SLBP: variants seen among roughly 807,000 people sequenced by gnomAD.
SLBP encodes histone RNA hairpin-binding protein.
Under a neutral mutation model 39.2 loss-of-function variants are expected in SLBP, and 29 were observed. The observed-to-expected ratio is 0.74, with a 90% CI of 0.55 to 1.01. The LOEUF is 1.01. SLBP is among the 50% of genes least tolerant of loss of function. The pLI is 0.00. For synonymous variants in SLBP, 129 were observed against 118.7 expected (o/e 1.09, Z -0.57); for missense variants, 390 against 350.2 (o/e 1.11, Z -0.91).
In SLBP at chr4:1,693,762, C is replaced by G. The variant is rs372801634; in HGVS notation, c.697-49G>C. 7.1e-6 allele frequency: 9 copies of G among 1,264,454 alleles called. No individual in the cohort carries two copies. The South Asian group carries it at 9.5e-5, about 13-fold the overall frequency. The allele number at this position is 1,264,454 out of a possible 1,614,324, so 78.3% of individuals were successfully genotyped here. ...GTTGACATTCATCTCACCCTGAAAA[C>G]AGGGGCCCCTTCCTACACCCCACTC... On this transcript the variant is annotated intron_variant, in intron 7 of 7. Coordinates refer to ENST00000489418, the MANE Select transcript of SLBP (RefSeq NM_006527.4).
chr4:1,708,149 G>A (rs1465043134), intron 2 of SLBP, among the ~76,000 whole-genome samples: 1 of 151,734 alleles, frequency 6.6e-6, no homozygotes, highest in Non-Finnish European at 1.5e-5. Context: ...GCTACTTGGA[G>A]GCTGAAGCAG....
intron 3 of SLBP, among the ~76,000 whole-genome samples, chr4:1,701,231 C>T (rs1716316526): frequency 6.7e-6 from 1 of 149,234 alleles, no homozygotes; most frequent in Non-Finnish European, 1.5e-5. Context: ...GTGCAACCTC[C>T]GCCTCCCGGG....
At chr4:1,696,124 C>A in intron 6 of SLBP, 78 bp downstream of exon 6, 1 of 1,302,268 alleles carries the variant, frequency 7.7e-7, no homozygotes, top group South Asian at 1.6e-5. Flanking sequence ...ACCAGACCTC[C>A]TGTCCCAGTG....
chr4:1,708,083 A>C (rs1716590557), intron 2 of SLBP, among the ~76,000 whole-genome samples: 1 of 130,754 alleles, frequency 7.6e-6, no homozygotes, highest in Non-Finnish European at 1.6e-5. Flanking sequence ...TATCTCAAAA[A>C]CGAAAAAAAA....
chr4:1,702,721 T>C (rs1301000695), intron 3 of SLBP, among the ~76,000 whole-genome samples: 2 of 152,160 alleles, frequency 1.3e-5, no homozygotes, highest in East Asian at 1.9e-4. Flanking sequence ...GAAGACGAAG[T>C]AGCTTAGTTT....
intron 2 of SLBP, among the ~76,000 whole-genome samples, chr4:1,710,631 G>C (rs1296316486): frequency 6.6e-6 from 1 of 152,220 alleles, no homozygotes; most frequent in Non-Finnish European, 1.5e-5. Flanking sequence ...AAAAGGAGCA[G>C]GTAGGGGAAT....
chr4:1,709,704 C>T lies in SLBP; in HGVS notation c.176+2170G>A, dbSNP rs112451676. 4.8e-3 allele frequency among the ~76,000 whole-genome samples: 734 copies of T among 152,116 alleles called. 11 individuals carry two copies. Among genetic ancestry groups the T allele is most frequent in the African/African-American group, 0.017 (692 of 41,498 alleles). On this transcript the variant is annotated intron_variant, in intron 2 of 7. Coordinates refer to ENST00000489418, the MANE Select transcript of SLBP (RefSeq NM_006527.4). ...TCGGCTCATCGCAAGCTCCGCCTCC[C>T]GGGTTCACACCATTCTCCTGCCTCA...
chr4:1,698,599 C>T (rs552842048), intron 5 of SLBP, among the ~76,000 whole-genome samples: 60 of 151,366 alleles, frequency 4.0e-4, no homozygotes, highest in Admixed American at 1.3e-3. Flanking sequence ...ATTCTCCTGC[C>T]TCAGCCTCCC....
At chr4:1,710,699 C>T (rs1312742241) in intron 2 of SLBP, among the ~76,000 whole-genome samples, 1 of 152,008 alleles carries the variant, frequency 6.6e-6, no homozygotes, top group Non-Finnish European at 1.5e-5. Context: ...GAACAGAGTT[C>T]ACCCGTGGAG....
Position 1,712,288 on chromosome 4 carries a change from C to G in SLBP, c.-100G>C, listed in dbSNP as rs758244088. Reference sequence around the variant, plus strand: ...AGCAGGGCAGGGCCTGAGGCAGAAACCCGCGTCCCCGCGCCGGCGCTCACG... The same window carrying G: ...AGCAGGGCAGGGCCTGAGGCAGAAAGCCGCGTCCCCGCGCCGGCGCTCACG... On this transcript the variant is annotated 5_prime_UTR_variant, in exon 1 of 8. Coordinates refer to ENST00000489418, the MANE Select transcript of SLBP (RefSeq NM_006527.4). The G allele has an allele frequency of 8.8e-6, 6 of 685,672 alleles. No homozygotes were observed. The highest frequency in any genetic ancestry group is 1.1e-5 in the Non-Finnish European group (5 of 475,154). 42.5% of individuals were successfully genotyped at this position (685,672 alleles called of 1,614,324 possible). A position where few individuals can be genotyped will look rare whatever the true frequency, so the allele number is the denominator to read the frequency against.
chr4:1,703,099 T>C (rs1040939698), intron 3 of SLBP, among the ~76,000 whole-genome samples: 37 of 151,832 alleles, frequency 2.4e-4, no homozygotes, highest in Non-Finnish European at 4.3e-4. Context: ...TAGCCAGGCG[T>C]GGTGGCCTGT....
intron 2 of SLBP, among the ~76,000 whole-genome samples, chr4:1,706,048 G>A (rs1214104077): frequency 6.6e-6 from 1 of 152,172 alleles, no homozygotes; most frequent in Non-Finnish European, 1.5e-5. Context: ...CTTTGGGGAC[G>A]CCGAGGCGGG....
rs1716266641 is a variant in SLBP, at chr4:1,700,052, G to A, written c.300C>T (p.Leu100=). 2 of 1,599,746 alleles carry A rather than the reference G, an allele frequency of 1.3e-6. No homozygotes were observed. The highest frequency in any genetic ancestry group is 1.7e-6 in the Non-Finnish European group (2 of 1,169,882). Residue 100 remains leucine (L), a synonymous_variant, in exon 4 of 8, where the codon CTC becomes CTT. Transcript: ENST00000489418. ...TTCTCTCTCTTCCAAAGTCATTGAT[G>A]AGGAGTTTCCTTTTATATCTGAGGG... ...KEMARYKRKL[L]INDFGRERKS... is the part of the protein sequence containing the mutation.
At position 1,712,250 on chromosome 4, in the gene SLBP, G is replaced by C. The variant is rs1716812669; in HGVS notation, c.-62C>G. 9.2e-7 allele frequency: 1 copy of C among 1,081,618 alleles called. No homozygotes were observed. The highest frequency in any genetic ancestry group is 1.2e-6 in the Non-Finnish European group (1 of 831,942). 67.0% of individuals were successfully genotyped at this position (1,081,618 alleles called of 1,614,324 possible). A position where few individuals can be genotyped will look rare whatever the true frequency, so the allele number is the denominator to read the frequency against. On this transcript the variant is annotated 5_prime_UTR_variant, in exon 1 of 8. Transcript: ENST00000489418. ...CTGAGGCGGCGGCGGCGCGGGCAGA[G>C]AGCGCAGAGTAGAGCAGGGCAGGGC... is the stretch of plus-strand genomic sequence containing the variant.
intron 5 of SLBP, among the ~76,000 whole-genome samples, chr4:1,697,066 A>G: frequency 6.7e-6 from 1 of 149,732 alleles, no homozygotes; most frequent in East Asian, 2.0e-4. Flanking sequence ...GCTGAGGCAG[A>G]AGAATTGCTT....
rs539271677 is a variant in SLBP, at chr4:1,695,267, C to A, written c.630-427G>T. The stretch of plus-strand genomic sequence containing the variant: ...CAGGACAAACTGGTAAAGCCACTTA[C>A]AATCGTTTCAAACATGCCAGTCTCT... On this transcript the variant is annotated intron_variant, in intron 6 of 7. Transcript: ENST00000489418. 4.5e-4 allele frequency among the ~76,000 whole-genome samples: 68 copies of A among 152,314 alleles called. No individual in the cohort carries two copies. The South Asian group carries it at 7.9e-3, about 18-fold the overall frequency.
At chr4:1,708,918 A>G (rs1213648931) in intron 2 of SLBP, among the ~76,000 whole-genome samples, 1 of 152,236 alleles carries the variant, frequency 6.6e-6, no homozygotes, top group Non-Finnish European at 1.5e-5. Context: ...CATAACTTCT[A>G]AAGCACTGTA....
chr4:1,700,229 T>TTCAACCACC, intron 3 of SLBP, 159 bp from the exon 4 acceptor site: 2 of 430,966 alleles, frequency 4.6e-6, no homozygotes, highest in South Asian at 6.1e-5. Context: ...GTTTAAGTAG[T>TTCAACCACC]GAGATCCACA....
At chr4:1,694,026 C>A (rs1327208538) in intron 7 of SLBP, among the ~76,000 whole-genome samples, 1 of 152,232 alleles carries the variant, frequency 6.6e-6, no homozygotes, top group Non-Finnish European at 1.5e-5. Context: ...CTAGACAAAA[C>A]CACAAATAGT....
Sources: allele counts gnomAD v4.1 joint callset (sites outside exome capture counted in the v4.1 genomes callset), GRCh38; gene constraint gnomAD v4.1.1; transcripts MANE v1.5; gene names NCBI Gene and HGNC (gene_info 2026-07-23, HGNC 2026-07-21).